The following MPND variants were observed in gnomAD, a reference collection of about 807,000 sequenced individuals.
MPND encodes MPN domain containing, also known as MPN domain-containing protein.
A neutral mutation model predicts 59.2 loss-of-function variants in MPND; 56 were observed. The ratio of observed to expected loss-of-function variants is 0.95; its 90% CI spans 0.76 to 1.18. The LOEUF (loss-of-function observed/expected upper bound fraction) is 1.18. MPND is among the 50% of genes most tolerant of loss of function. MPND has a pLI of 0.00. For missense variants in MPND, 671 were observed against 676.0 expected (o/e 0.99, Z 0.08); for synonymous variants, 323 against 291.9 (o/e 1.11, Z -1.09).
Position 4,343,936 on chromosome 19 carries a change from T to C in MPND, c.236T>C (p.Val79Ala). 1 of 1,369,100 alleles carries C rather than the reference T, an allele frequency of 7.3e-7. No individual in the cohort carries two copies. Among genetic ancestry groups the C allele is most frequent in the South Asian group, 1.7e-5 (1 of 58,944 alleles). 84.8% of individuals were successfully genotyped at this position (1,369,100 alleles called of 1,614,324 possible). A position where few individuals can be genotyped will look rare whatever the true frequency, so the allele number is the denominator to read the frequency against. Residue 79 changes from valine to alanine, a missense_variant, in exon 2 of 13, where the codon GTG (valine) becomes GCG (alanine). Coordinates refer to ENST00000599840, the MANE Select transcript of MPND (RefSeq NM_001300862.2). The stretch of plus-strand genomic sequence containing the variant: ...ACCAGGCGCGCGGTCACACTGCGGG[T>C]GCTCCTCAAAGACGCGCTGCTGGAG... ...ALTRRAVTLR[V>A]LLKDALLEPG... is the part of the protein sequence containing the mutation.
rs1018672660 is a variant in MPND, at chr19:4,354,846, A to G, written c.847-103A>G. The G allele has an allele frequency of 8.1e-6, 10 of 1,229,798 alleles. No individual in the cohort carries two copies. The African/African-American group carries it at 1.4e-4, about 17-fold the overall frequency. 76.2% of individuals were successfully genotyped at this position (1,229,798 alleles called of 1,614,324 possible). ...GCCACTGCCCTCCAGCCTGGGCGAC[A>G]GAGCAAGACTGAGTCTCAAAGAGAA... On this transcript the variant is annotated intron_variant, in intron 6 of 12. Transcript: ENST00000599840.
intron 3 of MPND, among the ~76,000 whole-genome samples, chr19:4,350,248 G>A (rs897512999): frequency 6.6e-6 from 1 of 152,158 alleles, no homozygotes; most frequent in South Asian, 2.1e-4. Context: ...GGCTGGAGCC[G>A]AGTGAGTAAG....
intron 11 of MPND, 172 bp downstream of exon 11, chr19:4,358,344 T>C: frequency 1.7e-6 from 1 of 604,600 alleles, no homozygotes; most frequent in South Asian, 2.0e-5. Flanking sequence ...CTTGCCAGGG[T>C]CCCTCCAACT....
rs1599562570 is a variant in MPND, at chr19:4,343,742, C to T, written c.42C>T (p.Gly14=). 11 of 1,207,662 alleles carry T rather than the reference C, an allele frequency of 9.1e-6. No homozygotes were observed. In the South Asian group the frequency reaches 2.1e-4, roughly 23 times the overall value. 74.8% of individuals were successfully genotyped at this position (1,207,662 alleles called of 1,614,324 possible). Residue 14 remains glycine (G), a synonymous_variant, in exon 2 of 13, where the codon GGC becomes GGT. Coordinates refer to ENST00000599840, the MANE Select transcript of MPND (RefSeq NM_001300862.2). ...CGCTGTCCCCGGCGGGCGGTGCGGG[C>T]GAGGAGGCGCCGGAGGAGGACGAGG... is the stretch of plus-strand genomic sequence containing the variant. ...PEPLSPAGGA[G]EEAPEEDEDE...
chr19:4,344,171 G>T (rs1030854356), intron 2 of MPND, among the ~76,000 whole-genome samples, 177 bp downstream of exon 2: 10 of 142,204 alleles, frequency 7.0e-5, no homozygotes, highest in Non-Finnish European at 1.4e-4. Flanking sequence ...CCGGGGCTCC[G>T]TTGACTGCAG....
At chr19:4,356,764 T>C (rs8112334) in intron 8 of MPND, 50,499 of 152,098 alleles carry the variant, frequency 0.33, 8,815 homozygotes, top group East Asian at 0.63. Context: ...TCAGCCTCCA[T>C]AGTAGATGGG....
rs1232468017 is a variant in MPND at position 4,354,515 on chromosome 19, G to A, written c.846+95G>A. ...CCTGCGTATCAGCTCCATGAGAGCT[G>A]GGGCCTTGTCTGCTTTGTTTGCTAC... On this transcript the variant is annotated intron_variant, in intron 6 of 12. Coordinates refer to ENST00000599840, the MANE Select transcript of MPND (RefSeq NM_001300862.2). 3 of 1,020,384 alleles carry A rather than the reference G, an allele frequency of 2.9e-6. No homozygotes were observed. In the East Asian group the frequency reaches 7.8e-5, roughly 27 times the overall value. 63.2% of individuals were successfully genotyped at this position (1,020,384 alleles called of 1,614,324 possible).
In MPND at chr19:4,345,776, A is replaced by G; in HGVS notation, c.326A>G (p.Asp109Gly). 1 of 1,613,928 alleles carries G rather than the reference A, an allele frequency of 6.2e-7. No individual in the cohort carries two copies. The highest frequency in any genetic ancestry group is 1.1e-5 in the South Asian group (1 of 91,080). ...GKKFLGDLQP[D>G]GRIMWQETGQ... ...AAGTTCCTGGGCGACCTGCAGCCAG[A>G]CGGAAGGATCATGTGGCAGGAGACC... The change falls in exon 3 of 13, where the codon GAC becomes GGC. Residue 109 changes from aspartate to glycine, a missense_variant. Physicochemically the swap from Asp to Gly is moderately conservative, Grantham distance 94 (BLOSUM62 -1). Coordinates refer to ENST00000599840, the MANE Select transcript of MPND (RefSeq NM_001300862.2).
intron 5 of MPND, 24 bp from the exon 6 acceptor site, chr19:4,354,298 CTG>C (rs773488371): frequency 3.7e-5 from 57 of 1,545,366 alleles, no homozygotes; most frequent in Non-Finnish European, 3.3e-5. Context: ...ATTCCTGAGA[CTG>C]TGCGACCCTC....
At chr19:4,356,323 CAGG>C (rs1972437451) in intron 8 of MPND, among the ~76,000 whole-genome samples, 1 of 152,082 alleles carries the variant, frequency 6.6e-6, no homozygotes, top group South Asian at 2.1e-4. Flanking sequence ...GAGGCCGAGG[CAGG>C]AGGTTTGCTG....
Position 4,357,339 on chromosome 19 carries a change from G to C in MPND, c.1083G>C (p.Gln361His). The change falls in exon 9 of 13, where the codon CAG becomes CAC. Residue 361 changes from glutamine (Q) to histidine (H), a missense_variant. Transcript: ENST00000599840. ...HPHSPALPSL[Q>H]DIDAQMDYQL... Reference sequence around the variant, plus strand: ...ACAGCCCGGCGCTGCCATCTCTGCAGGACATCGACGCACAGATGGACTACC... The same window carrying C: ...ACAGCCCGGCGCTGCCATCTCTGCACGACATCGACGCACAGATGGACTACC... 1 of 1,613,300 alleles carries C rather than the reference G, an allele frequency of 6.2e-7. No homozygotes were observed. The highest frequency in any genetic ancestry group is 8.5e-7 in the Non-Finnish European group (1 of 1,180,012).
At chr19:4,349,815 A>G (rs1972274457) in intron 3 of MPND, among the ~76,000 whole-genome samples, 1 of 152,188 alleles carries the variant, frequency 6.6e-6, no homozygotes, top group Non-Finnish European at 1.5e-5. Flanking sequence ...GAGCCTGGTC[A>G]AGAGCAATGT....
At position 4,345,961 on chromosome 19, in the gene MPND, C is replaced by G; in HGVS notation, c.511C>G (p.Pro171Ala). 6.2e-7 allele frequency: 1 copy of G among 1,612,666 alleles called. No homozygotes were observed. Among genetic ancestry groups the G allele is most frequent in the East Asian group, 2.2e-5 (1 of 44,852 alleles). Residue 171 changes from proline to alanine, a missense_variant, in exon 3 of 13, where the codon CCT (proline) becomes GCT (alanine). Coordinates refer to ENST00000599840, the MANE Select transcript of MPND (RefSeq NM_001300862.2). ...TWLRLHQLHT[P>A]ATAADESPAS... is the part of the protein sequence containing the mutation. ...GCTCCGGCTGCACCAGCTGCACACG[C>G]CTGCCACGGCTGCTGATGAGGTACG...
intron 3 of MPND, 97 bp downstream of exon 3, chr19:4,346,078 T>C: frequency 9.6e-7 from 1 of 1,038,528 alleles, no homozygotes; most frequent in Non-Finnish European, 1.4e-6. Flanking sequence ...GTATTAGTAA[T>C]ATATACAAAC....
intron 3 of MPND, among the ~76,000 whole-genome samples, 158 bp from the exon 4 acceptor site, chr19:4,352,739 T>C (rs1972346638): frequency 6.6e-6 from 1 of 152,044 alleles, no homozygotes; most frequent in African/African-American, 2.4e-5. Context: ...TGTGAGGTCT[T>C]AGCTTAAGGC....
chr19:4,358,051 A>G (rs1226507461), intron 10 of MPND, 32 bp from the exon 11 acceptor site: 13 of 1,535,264 alleles, frequency 8.5e-6, no homozygotes, highest in Non-Finnish European at 1.1e-5. Flanking sequence ...CGGGCTGGTG[A>G]GGCTTCTCTC....
In MPND at chr19:4,354,373, T is replaced by C. The variant is rs1269700062; in HGVS notation, c.799T>C (p.Phe267Leu). 1 of 1,562,430 alleles carries C rather than the reference T, an allele frequency of 6.4e-7. No homozygotes were observed. The highest frequency in any genetic ancestry group is 8.7e-7 in the Non-Finnish European group (1 of 1,151,886). ...AACATCCTTTGCAGCCATCAACAAG[T>C]TCCAGCCGTTCAACGTGGCTGTTTC... ...EVTSFAAINK[F>L]QPFNVAVSSN... The change falls in exon 6 of 13, where the codon TTC becomes CTC. Residue 267 changes from phenylalanine (F) to leucine (L), a missense_variant. Phe to Leu is a conservative substitution (Grantham distance 22). Coordinates refer to ENST00000599840, the MANE Select transcript of MPND (RefSeq NM_001300862.2).
intron 11 of MPND, 70 bp downstream of exon 11, chr19:4,358,242 C>T: frequency 7.3e-7 from 1 of 1,378,542 alleles, no homozygotes; most frequent in Non-Finnish European, 1.0e-6. Flanking sequence ...CGTTGGTCTG[C>T]TTCCCACCGG....
At chr19:4,353,363 G>A (rs1972364520) in intron 4 of MPND, among the ~76,000 whole-genome samples, 1 of 152,214 alleles carries the variant, frequency 6.6e-6, no homozygotes, top group Non-Finnish European at 1.5e-5. Flanking sequence ...TGCCTCCCGG[G>A]TTCAAGCGAT....
Sources: allele counts gnomAD v4.1 joint callset (sites outside exome capture counted in the v4.1 genomes callset), GRCh38; gene constraint gnomAD v4.1.1; transcripts MANE v1.5; gene names NCBI Gene and HGNC (gene_info 2026-07-23, HGNC 2026-07-21).